ZNF713: variants seen among roughly 807,000 people sequenced by gnomAD.
ZNF713 encodes zinc finger protein 713.
Under a neutral mutation model 28.7 loss-of-function variants are expected in ZNF713, and 21 were observed. The observed-to-expected ratio is 0.73, with a 90% CI of 0.52 to 1.05. The LOEUF (loss-of-function observed/expected upper bound fraction) is 1.05. Among genes scored for constraint, ZNF713 ranks in the 50% least tolerant of loss-of-function variants. ZNF713 has a pLI of 0.00. For synonymous variants in ZNF713, 167 were observed against 178.0 expected (o/e 0.94, Z 0.49); for missense variants, 458 against 532.4 (o/e 0.86, Z 1.37).
At chr7:55,919,490 GTTTTTTTTTTTTTTTTT>G (rs55656709) in intron 4 of ZNF713, among the ~76,000 whole-genome samples, 29 of 66,768 alleles carry the variant, frequency 4.3e-4, no homozygotes, top group East Asian at 3.8e-3. Context: ...AAACACTCCA[GTTTTTTTTTTTTTTTTT>G]TTTTTTTTTT....
chr7:55,887,944 T>C (rs972815659), intron 1 of ZNF713, among the ~76,000 whole-genome samples: 8 of 147,216 alleles, frequency 5.4e-5, no homozygotes, highest in Non-Finnish European at 1.1e-4. Flanking sequence ...CTGTCCCCGC[T>C]GTCCCCATTC....
Position 55,923,634 on chromosome 7 carries a change from TC to T in ZNF713, c.243del (p.Ile81MetfsTer6). 1 of 1,609,780 alleles carries T rather than the reference TC, an allele frequency of 6.2e-7. No individual in the cohort carries two copies. Among genetic ancestry groups the T allele is most frequent in the South Asian group, 1.1e-5 (1 of 90,136 alleles). ...LGYQLCKPEV[I>X]AQLELEEEWV... ...TATCAGCTTTGTAAGCCAGAGGTAA[TC>T]GCGCAGTTGGAGCTAGAGGAAGAAT... On this transcript the variant is annotated frameshift_variant, in exon 6 of 7. Transcript: ENST00000429591. LOFTEE classifies it high-confidence loss of function.
chr7:55,906,929 T>C (rs984979064), intron 2 of ZNF713, among the ~76,000 whole-genome samples: 1 of 152,186 alleles, frequency 6.6e-6, no homozygotes, highest in Non-Finnish European at 1.5e-5. Flanking sequence ...CTACTTTAGG[T>C]TTGTCCCAGC....
chr7:55,888,037 C>T (rs553310751), intron 1 of ZNF713, among the ~76,000 whole-genome samples: 23 of 152,080 alleles, frequency 1.5e-4, no homozygotes, highest in African/African-American at 4.8e-4. Context: ...AACACATTGT[C>T]TTCTACTATC....
intron 2 of ZNF713, 95 bp from the exon 3 acceptor site, chr7:55,911,518 TGAA>T (rs1372441095): frequency 6.6e-6 from 1 of 152,206 alleles, no homozygotes; most frequent in African/African-American, 2.4e-5. Context: ...TCTGTCTGTG[TGAA>T]GAATAGTTTG....
At chr7:55,921,868 A>C (rs183478118) in intron 4 of ZNF713, among the ~76,000 whole-genome samples, 2 of 152,212 alleles carry the variant, frequency 1.3e-5, no homozygotes, top group Admixed American at 1.3e-4. Flanking sequence ...CACATGCTAC[A>C]GAGAACTCTT....
chr7:55,912,836 C>G, intron 4 of ZNF713, 113 bp downstream of exon 4: 6 of 782,946 alleles, frequency 7.7e-6, no homozygotes, highest in Non-Finnish European at 1.1e-5. Flanking sequence ...CCAGGAGATT[C>G]ATGTGACAGA....
chr7:55,912,613 A>T, intron 3 of ZNF713, 22 bp from the exon 4 acceptor site: 1 of 1,554,080 alleles, frequency 6.4e-7, no homozygotes, highest in Non-Finnish European at 8.8e-7. Flanking sequence ...ATATATTAAC[A>T]AGATGCTTCT....
intron 1 of ZNF713, among the ~76,000 whole-genome samples, chr7:55,905,473 A>G (rs1019519695): frequency 6.6e-6 from 1 of 152,134 alleles, no homozygotes; most frequent in Non-Finnish European, 1.5e-5. Flanking sequence ...TTTGGTATCC[A>G]TGGGGGTTCT....
At chr7:55,925,851 T>A (rs1219576163) in intron 6 of ZNF713, among the ~76,000 whole-genome samples, 1 of 152,038 alleles carries the variant, frequency 6.6e-6, no homozygotes, top group African/African-American at 2.4e-5. Context: ...AAGGAACAAA[T>A]TAGAGAACTC....
chr7:55,927,633 G>A (rs767041867), intron 6 of ZNF713, among the ~76,000 whole-genome samples: 4 of 151,762 alleles, frequency 2.6e-5, no homozygotes, highest in Non-Finnish European at 4.4e-5. Flanking sequence ...CTGGGTGCTC[G>A]CGCCTGCAAT....
chr7:55,929,011 G>A (rs1048456856), intron 6 of ZNF713, among the ~76,000 whole-genome samples: 7 of 149,268 alleles, frequency 4.7e-5, no homozygotes, highest in Admixed American at 2.7e-4. Flanking sequence ...GGTAACACAC[G>A]CCTGTAGTCC....
chr7:55,898,780 C>CA (rs1785519218), intron 1 of ZNF713, among the ~76,000 whole-genome samples: 1 of 151,396 alleles, frequency 6.6e-6, no homozygotes, highest in Non-Finnish European at 1.5e-5. Flanking sequence ...TTCTCATTCA[C>CA]AAAAAATTAA....
intron 6 of ZNF713, among the ~76,000 whole-genome samples, chr7:55,926,969 C>T (rs1034565919): frequency 6.6e-6 from 1 of 151,842 alleles, no homozygotes; most frequent in Non-Finnish European, 1.5e-5. Flanking sequence ...TGGTGAAACT[C>T]CATCTCTACT....
rs1013242114 is a variant in ZNF713 at position 55,940,644 on chromosome 7, G to A, written c.*638G>A. The A allele has an allele frequency of 5.0e-6, 4 of 808,034 alleles. No homozygotes were observed. In the South Asian group the frequency reaches 2.3e-4, roughly 46 times the overall value. The allele number at this position is 808,034 out of a possible 1,614,324, so 50.1% of individuals were successfully genotyped here. ...CAATCCCAGCTACTCTGGAGACTGAGGCATGAGAATGACTTGAACATGGGA... is the reference window on the plus strand; with the variant it reads ...CAATCCCAGCTACTCTGGAGACTGAAGCATGAGAATGACTTGAACATGGGA... On this transcript the variant is annotated 3_prime_UTR_variant, in exon 7 of 7. Transcript: ENST00000429591.
chr7:55,939,972 C>T lies in ZNF713; in HGVS notation c.1298C>T (p.Thr433Ile). 6.2e-7 allele frequency: 1 copy of T among 1,602,150 alleles called. No homozygotes were observed. The highest frequency in any genetic ancestry group is 8.5e-7 in the Non-Finnish European group (1 of 1,172,302). ...TTATGTGAATATAAATGTGAGCAAA[C>T]TGTTCGCCACAGTCCTTCATTTAGC... ...EKLCEYKCEQ[T>I]VRHSPSFSST The change falls in exon 7 of 7, where the codon ACT becomes ATT. Residue 433 changes from threonine to isoleucine, a missense_variant. By Grantham distance (89) the Thr-to-Ile change is moderately conservative. Transcript: ENST00000429591.
At chr7:55,926,093 T>A (rs1034282330) in intron 6 of ZNF713, among the ~76,000 whole-genome samples, 1 of 152,034 alleles carries the variant, frequency 6.6e-6, no homozygotes, top group African/African-American at 2.4e-5. Flanking sequence ...AGGTGGACAA[T>A]CACTTGAGAT....
chr7:55,919,517 T>TTG (rs1785951024), intron 4 of ZNF713, among the ~76,000 whole-genome samples: 10 of 119,562 alleles, frequency 8.4e-5, no homozygotes, highest in South Asian at 3.0e-4. Flanking sequence ...TTTTTTTTTT[T>TTG]TTTTTTGAGA....
chr7:55,915,400 T>C (rs1423707059), intron 4 of ZNF713, among the ~76,000 whole-genome samples: 5 of 152,206 alleles, frequency 3.3e-5, no homozygotes, highest in African/African-American at 1.2e-4. Flanking sequence ...TTATGCTTTT[T>C]ATCAGCTAGA....
Sources: allele counts gnomAD v4.1 joint callset (sites outside exome capture counted in the v4.1 genomes callset), GRCh38; gene constraint gnomAD v4.1.1; transcripts MANE v1.5; gene names NCBI Gene and HGNC (gene_info 2026-07-23, HGNC 2026-07-21).